The following DLG2 variants were observed in gnomAD, a reference collection of about 807,000 sequenced individuals.
DLG2 encodes discs large MAGUK scaffold protein 2, also known as disks large homolog 2.
Under a neutral mutation model 132.5 loss-of-function variants are expected in DLG2, and 45 were observed. The observed-to-expected ratio is 0.34, with a 90% CI of 0.27 to 0.44. The LOEUF (loss-of-function observed/expected upper bound fraction) is 0.44, where lower values mean the gene tolerates loss of function less well. DLG2 is among the 20% of genes least tolerant of loss of function. The pLI, the probability that DLG2 is intolerant of heterozygous loss-of-function variation, is 1.00. For synonymous variants in DLG2, 424 were observed against 419.6 expected, an observed-to-expected ratio of 1.01 and a Z score of -0.13; for missense variants, 1,045 against 1,196.9, an observed-to-expected ratio of 0.87 and a Z score of 1.87.
At chr11:84,736,455 G>C (rs144412603) in intron 6 of DLG2, among the ~76,000 whole-genome samples, 9 of 151,766 alleles carry the variant, frequency 5.9e-5, no homozygotes, top group African/African-American at 1.9e-4. Flanking sequence ...GAATTGTGTT[G>C]AATCTTTAGA....
intron 6 of DLG2, among the ~76,000 whole-genome samples, chr11:84,824,152 A>G (rs1408530572): frequency 6.6e-6 from 1 of 151,912 alleles, no homozygotes; most frequent in African/African-American, 2.4e-5. Context: ...TAGCAACCAA[A>G]CACTTTGCAG....
intron 18 of DLG2, among the ~76,000 whole-genome samples, chr11:83,751,060 A>C (rs1290910839): frequency 6.6e-6 from 1 of 152,246 alleles, no homozygotes; most frequent in East Asian, 1.9e-4. Context: ...ATAGTGTTCA[A>C]TGTAAAAAGT....
chr11:84,011,800 G>C (rs928632454), intron 11 of DLG2, among the ~76,000 whole-genome samples: 1 of 151,890 alleles, frequency 6.6e-6, no homozygotes, highest in Non-Finnish European at 1.5e-5. Context: ...TTAAAACCTT[G>C]GCACTAAAAA....
At chr11:84,343,021 A>G (rs976011736) in intron 7 of DLG2, among the ~76,000 whole-genome samples, 2 of 152,204 alleles carry the variant, frequency 1.3e-5, no homozygotes, top group Admixed American at 1.3e-4. Flanking sequence ...CTAGTGAAGA[A>G]GGCAGTCTTA....
chr11:84,069,248 T>C (rs532296954), intron 10 of DLG2, among the ~76,000 whole-genome samples: 1 of 152,200 alleles, frequency 6.6e-6, no homozygotes, highest in Non-Finnish European at 1.5e-5. Flanking sequence ...TCATTCTACT[T>C]GGCTCATGTA....
chr11:83,712,210 G>A lies in DLG2; in HGVS notation c.1825+74480C>T, dbSNP rs140148732. On this transcript the variant is annotated intron_variant, in intron 18 of 27. Transcript: ENST00000376104. ...TTCTATTATAAAGATACATGCACGTGTATGTTCACTGCAGCACTATTCACA... is the reference window on the plus strand; with the variant it reads ...TTCTATTATAAAGATACATGCACGTATATGTTCACTGCAGCACTATTCACA... Among the ~76,000 whole-genome samples the A allele has an allele frequency of 5.3e-4, 80 of 152,252 alleles. No individual in the cohort carries two copies. The East Asian group carries it at 0.013, about 25-fold the overall frequency.
chr11:84,872,438 C>G (rs1171425705), intron 6 of DLG2, among the ~76,000 whole-genome samples: 1 of 152,106 alleles, frequency 6.6e-6, no homozygotes, highest in Non-Finnish European at 1.5e-5. Context: ...AGTCCTTGCC[C>G]TTGAGGATCT....
chr11:83,870,483 T>TACC (rs1321610789), intron 16 of DLG2, among the ~76,000 whole-genome samples: 1 of 152,196 alleles, frequency 6.6e-6, no homozygotes, highest in Non-Finnish European at 1.5e-5. Flanking sequence ...TGTGTATATA[T>TACC]ACCACATTTT....
chr11:83,890,874 T>A lies in DLG2; in HGVS notation c.1497-16386A>T, dbSNP rs574272400. On this transcript the variant is annotated intron_variant, in intron 15 of 27. Coordinates refer to ENST00000376104, the MANE Select transcript of DLG2 (RefSeq NM_001142699.3). ...AATGGAATCTGCAGGATATGGCAAT[T>A]GCATGTGGTGTGTGAGTGAGGAATC... Among the ~76,000 whole-genome samples the A allele has an allele frequency of 2.0e-5, 3 of 152,240 alleles. No homozygotes were observed. In the East Asian group the frequency reaches 5.8e-4, roughly 29 times the overall value.
rs7947853 is a variant in DLG2, at chr11:84,307,747, A to G, written c.520-56456T>C. On this transcript the variant is annotated intron_variant, in intron 7 of 27. Coordinates refer to ENST00000376104, the MANE Select transcript of DLG2 (RefSeq NM_001142699.3). ...CGCGGACCCTCGCGGTGAGTGTTAC[A>G]GTTCTTAAAGGCGGCGTGTCTGGAG... 1.0e-3 allele frequency among the ~76,000 whole-genome samples: 157 copies of G among 149,924 alleles called. 1 individual carries two copies. In the Middle Eastern group the frequency reaches 0.011, roughly 10 times the overall value.
chr11:85,216,323 AT>A (rs533279339), intron 4 of DLG2, among the ~76,000 whole-genome samples: 52 of 152,282 alleles, frequency 3.4e-4, no homozygotes, highest in Admixed American at 3.0e-3. Flanking sequence ...AAAATAGGCC[AT>A]TTTTTTCATG....
chr11:84,741,091 G>C (rs1297776386), intron 6 of DLG2, among the ~76,000 whole-genome samples: 1 of 121,170 alleles, frequency 8.3e-6, no homozygotes, highest in Non-Finnish European at 1.6e-5. Flanking sequence ...TTTTGAGATG[G>C]AGTCTCGTTC....
intron 2 of DLG2, among the ~76,000 whole-genome samples, chr11:85,603,013 G>C (rs1290452383): frequency 6.6e-6 from 1 of 152,064 alleles, no homozygotes; most frequent in East Asian, 1.9e-4. Context: ...ATAAGAGATG[G>C]AGGAGGACAT....
chr11:83,860,807 C>A (rs1475305599), intron 16 of DLG2, among the ~76,000 whole-genome samples: 1 of 152,108 alleles, frequency 6.6e-6, no homozygotes, highest in African/African-American at 2.4e-5. Context: ...CTGGGAGGGA[C>A]CCTGTGGGAG....
chr11:83,850,952 A>G (rs907243275), intron 16 of DLG2, among the ~76,000 whole-genome samples: 3 of 151,976 alleles, frequency 2.0e-5, no homozygotes, highest in Non-Finnish European at 4.4e-5. Flanking sequence ...CGAGGCGGGC[A>G]GATCACGAGG....
chr11:84,603,708 T>G (rs900253018), intron 6 of DLG2, among the ~76,000 whole-genome samples: 3 of 151,992 alleles, frequency 2.0e-5, no homozygotes, highest in Admixed American at 2.0e-4. Context: ...GTTCTCACAA[T>G]ATATCTTATC....
At chr11:84,921,159 T>A (rs1199885308) in intron 6 of DLG2, among the ~76,000 whole-genome samples, 1 of 152,140 alleles carries the variant, frequency 6.6e-6, no homozygotes, top group East Asian at 1.9e-4. Context: ...ACCAATGTGA[T>A]AAAATAATAG....
intron 15 of DLG2, among the ~76,000 whole-genome samples, chr11:83,890,258 C>T (rs780748777): frequency 3.3e-5 from 5 of 151,812 alleles, no homozygotes; most frequent in Non-Finnish European, 7.4e-5. Flanking sequence ...TTTCATTTCA[C>T]ATAGGAAAGA....
chr11:84,041,379 A>G (rs1413209186), intron 11 of DLG2, among the ~76,000 whole-genome samples: 2 of 151,946 alleles, frequency 1.3e-5, no homozygotes, highest in Non-Finnish European at 2.9e-5. Context: ...GCTCTCCAAG[A>G]ATATGGAACA....
Sources: gnomAD v4.1 joint callset for allele counts (sites outside exome capture counted in the v4.1 genomes callset) on GRCh38, gnomAD v4.1.1 for gene constraint, MANE v1.5 for transcripts, NCBI Gene and HGNC (gene_info 2026-07-23, HGNC 2026-07-21) for gene names.